NUBPL: variants seen among roughly 807,000 people sequenced by gnomAD.
NUBPL encodes the protein NUBP iron-sulfur cluster assembly factor, mitochondrial.
Under a neutral mutation model 45.7 loss-of-function variants are expected in NUBPL, and 31 were observed. The observed-to-expected ratio is 0.68, with a 90% CI of 0.51 to 0.92. The LOEUF (loss-of-function observed/expected upper bound fraction) is 0.92. NUBPL is among the 40% of genes least tolerant of loss of function. The pLI, the probability that NUBPL is intolerant of heterozygous loss-of-function variation, is 0.00. For synonymous variants in NUBPL, 144 were observed against 140.9 expected (o/e 1.02, Z -0.15); for missense variants, 401 against 398.7 (o/e 1.01, Z -0.05).
At chr14:31,699,375 G>A (rs1478475650) in intron 6 of NUBPL, among the ~76,000 whole-genome samples, 3 of 152,046 alleles carry the variant, frequency 2.0e-5, no homozygotes, top group Non-Finnish European at 1.5e-5. Context: ...CTATTATTAG[G>A]TATTTATTAT....
chr14:31,611,873 A>T (rs572543939), intron 4 of NUBPL, among the ~76,000 whole-genome samples: 2 of 152,356 alleles, frequency 1.3e-5, no homozygotes, highest in East Asian at 3.9e-4. Flanking sequence ...ATTTGTATGC[A>T]AAAGAATGAA....
intron 7 of NUBPL, among the ~76,000 whole-genome samples, chr14:31,820,772 C>T (rs1049157490): frequency 7.1e-5 from 8 of 112,674 alleles, no homozygotes; most frequent in African/African-American, 2.3e-4. Flanking sequence ...TGCAGTGAGA[C>T]GAGATCGTGC....
chr14:31,859,610 G>C lies in NUBPL; in HGVS notation c.*430G>C, dbSNP rs2040680547. 43 of 292,802 alleles carry C rather than the reference G, an allele frequency of 1.5e-4. 4 individuals are homozygous for C. In the South Asian group the frequency reaches 1.5e-3, roughly 10 times the overall value. The allele number at this position is 292,802 out of a possible 1,614,324, so 18.1% of individuals were successfully genotyped here. A position where few individuals can be genotyped will look rare whatever the true frequency, so the allele number is the denominator to read the frequency against. ...TGGACTGTCTTTGAATCCTGTCTTTGGTACTGTCTTGGACATGTTCTTAAT... is the reference window on the plus strand; with the variant it reads ...TGGACTGTCTTTGAATCCTGTCTTTCGTACTGTCTTGGACATGTTCTTAAT... On this transcript the variant is annotated 3_prime_UTR_variant, in exon 11 of 11. Transcript: ENST00000281081.
chr14:31,859,460 A>G lies in NUBPL; in HGVS notation c.*280A>G. The G allele has an allele frequency of 2.3e-6, 1 of 429,732 alleles. No individual in the cohort carries two copies. Among genetic ancestry groups the G allele is most frequent in the Non-Finnish European group, 4.3e-6 (1 of 230,604 alleles). 26.6% of individuals were successfully genotyped at this position (429,732 alleles called of 1,614,324 possible). On this transcript the variant is annotated 3_prime_UTR_variant, in exon 11 of 11. Coordinates refer to ENST00000281081, the MANE Select transcript of NUBPL (RefSeq NM_025152.3). ...TTACCCCTTTAGAAATCACGAGTTTATGATGTTACAAGTCCATTTTGGGAG... is the reference window on the plus strand; with the variant it reads ...TTACCCCTTTAGAAATCACGAGTTTGTGATGTTACAAGTCCATTTTGGGAG...
chr14:31,695,271 G>A (rs2139875246), intron 6 of NUBPL, among the ~76,000 whole-genome samples: 1 of 151,134 alleles, frequency 6.6e-6, no homozygotes, highest in South Asian at 2.1e-4. Context: ...GTTGTCAGAT[G>A]ACTTACATGT....
In NUBPL at chr14:31,590,143, A is replaced by G. The variant is rs1301447143; in HGVS notation, c.292-9146A>G. 4.6e-5 allele frequency among the ~76,000 whole-genome samples: 7 copies of G among 152,086 alleles called. 1 individual carries two copies. The highest frequency in any genetic ancestry group is 1.3e-4 in the Admixed American group (2 of 15,272). On this transcript the variant is annotated intron_variant, in intron 3 of 10. Transcript: ENST00000281081. Reference sequence around the variant, plus strand: ...TTATCCAAATCTTTCTCACAGAGCAATCCTTTTTTTTGAGTCAGAGTCTCA... The same window carrying G: ...TTATCCAAATCTTTCTCACAGAGCAGTCCTTTTTTTTGAGTCAGAGTCTCA...
chr14:31,670,081 AT>A (rs1444682638), intron 4 of NUBPL, among the ~76,000 whole-genome samples: 4 of 152,082 alleles, frequency 2.6e-5, no homozygotes, highest in African/African-American at 9.7e-5. Flanking sequence ...GGTTGAGCTA[AT>A]TTACACCTCC....
chr14:31,759,129 A>T (rs1051836697), intron 6 of NUBPL, among the ~76,000 whole-genome samples: 3 of 152,172 alleles, frequency 2.0e-5, no homozygotes, highest in African/African-American at 4.8e-5. Flanking sequence ...AGATCTAGAA[A>T]ATTCTTCAAA....
intron 4 of NUBPL, among the ~76,000 whole-genome samples, chr14:31,642,179 A>G (rs530856754): frequency 1.3e-5 from 2 of 152,164 alleles, no homozygotes; most frequent in East Asian, 3.9e-4. Context: ...GAAGCTTTTT[A>G]GCTTGGTATG....
At chr14:31,615,509 C>T (rs1211235265) in intron 4 of NUBPL, among the ~76,000 whole-genome samples, 1 of 152,106 alleles carries the variant, frequency 6.6e-6, no homozygotes, top group African/African-American at 2.4e-5. Flanking sequence ...CATATGTTCT[C>T]ATTGTTCAAC....
chr14:31,723,721 G>C (rs746701390), intron 6 of NUBPL, among the ~76,000 whole-genome samples: 4 of 152,090 alleles, frequency 2.6e-5, no homozygotes, highest in Non-Finnish European at 5.9e-5. Context: ...GAATGAGATT[G>C]TGTTCCTGAT....
At chr14:31,718,350 A>C (rs2037734048) in intron 6 of NUBPL, among the ~76,000 whole-genome samples, 1 of 152,192 alleles carries the variant, frequency 6.6e-6, no homozygotes, top group Admixed American at 6.5e-5. Flanking sequence ...GATAGAAATA[A>C]AATATATAAC....
At chr14:31,617,775 C>T (rs1008671892) in intron 4 of NUBPL, among the ~76,000 whole-genome samples, 1 of 152,078 alleles carries the variant, frequency 6.6e-6, no homozygotes, top group Non-Finnish European at 1.5e-5. Context: ...TGGTATCAGG[C>T]TGATGCTGGC....
rs141885873 is a variant in NUBPL, at chr14:31,792,424, A to G, written c.607+4551A>G. 2.4e-4 allele frequency among the ~76,000 whole-genome samples: 37 copies of G among 152,202 alleles called. 1 individual carries two copies. Among genetic ancestry groups the G allele is most frequent in the African/African-American group, 7.7e-4 (32 of 41,530 alleles). ...AAGTAGTCTAGAAGCAGTTTTCTTC[A>G]TCTTTTAGGAGTATAGCCCCAAGTG... On this transcript the variant is annotated intron_variant, in intron 7 of 10. Transcript: ENST00000281081.
intron 2 of NUBPL, 73 bp downstream of exon 2, chr14:31,562,288 T>C (rs982469757): frequency 7.2e-7 from 1 of 1,380,306 alleles, no homozygotes; most frequent in East Asian, 2.3e-5. Context: ...ATTGAAATTA[T>C]AGTTTTGTGT....
chr14:31,697,538 A>G (rs34859886), intron 6 of NUBPL, among the ~76,000 whole-genome samples: 46,123 of 152,138 alleles, frequency 0.3, 7,694 homozygotes, highest in South Asian at 0.41. Flanking sequence ...GTGTTAATCA[A>G]TATTTATTCT....
At chr14:31,643,873 G>A (rs2035773567) in intron 4 of NUBPL, among the ~76,000 whole-genome samples, 1 of 151,952 alleles carries the variant, frequency 6.6e-6, no homozygotes. Context: ...AATCTTGATA[G>A]GTTGTATGTG....
intron 7 of NUBPL, among the ~76,000 whole-genome samples, chr14:31,798,156 A>G (rs2138852599): frequency 6.6e-6 from 1 of 152,124 alleles, no homozygotes; most frequent in East Asian, 1.9e-4. Flanking sequence ...CTGCTGATTC[A>G]TTCCTATGAG....
chr14:31,637,748 A>G lies in NUBPL; in HGVS notation c.383-35607A>G, dbSNP rs186950310. 2.8e-4 allele frequency among the ~76,000 whole-genome samples: 42 copies of G among 152,206 alleles called. No individual in the cohort carries two copies. In the East Asian group the frequency reaches 5.2e-3, roughly 19 times the overall value. ...TAAGTCTCTTTGTAGGTCACTCAGG[A>G]CTTGCTTTATGAATCTGGGTGCTCC... On this transcript the variant is annotated intron_variant, in intron 4 of 10. Transcript: ENST00000281081.
Sources: allele counts gnomAD v4.1 joint callset (sites outside exome capture counted in the v4.1 genomes callset), GRCh38; gene constraint gnomAD v4.1.1; transcripts MANE v1.5; gene names NCBI Gene and HGNC (gene_info 2026-07-23, HGNC 2026-07-21).